Variants in CMTM8 observed in about 807,000 individuals in gnomAD.
CMTM8 encodes CKLF-like MARVEL transmembrane domain-containing protein 8.
CMTM8 carries 12 observed loss-of-function variants against 18.6 expected under a neutral mutation model. That is an observed-to-expected ratio of 0.65 (90% CI 0.41 to 1.05). The LOEUF is 1.05. Among genes scored for constraint, CMTM8 ranks in the 50% least tolerant of loss-of-function variants. CMTM8 has a pLI of 0.00. For synonymous variants in CMTM8, 87 were observed against 90.6 expected (o/e 0.96, Z 0.23); for missense variants, 217 against 227.2 (o/e 0.95, Z 0.29).
intron 1 of CMTM8, among the ~76,000 whole-genome samples, chr3:32,326,548 G>T (rs377635680): frequency 7.7e-6 from 1 of 130,690 alleles, no homozygotes; most frequent in Non-Finnish European, 1.5e-5. Flanking sequence ...ACAGAGTCTC[G>T]CTCTGTCGCC....
chr3:32,273,957 T>C (rs1418708735), intron 1 of CMTM8, among the ~76,000 whole-genome samples: 1 of 152,172 alleles, frequency 6.6e-6, no homozygotes, highest in African/African-American at 2.4e-5. Flanking sequence ...GGATTCTTGT[T>C]TTATTTAATT....
intron 1 of CMTM8, among the ~76,000 whole-genome samples, chr3:32,243,041 C>T (rs1701963301): frequency 6.6e-6 from 1 of 151,610 alleles, no homozygotes; most frequent in Non-Finnish European, 1.5e-5. Flanking sequence ...TATAGGCGTG[C>T]ACCACCAAGC....
intron 1 of CMTM8, among the ~76,000 whole-genome samples, chr3:32,287,388 G>T (rs1477860236): frequency 2.6e-5 from 4 of 152,004 alleles, no homozygotes; most frequent in African/African-American, 9.7e-5. Context: ...CAGATATTTT[G>T]CTCCTAAACA....
chr3:32,263,999 G>A (rs139764826), intron 1 of CMTM8, among the ~76,000 whole-genome samples: 7,092 of 152,296 alleles, frequency 0.047, 656 homozygotes, highest in East Asian at 0.43. Flanking sequence ...GTGACAAGGA[G>A]AATGCAACCA....
At chr3:32,241,174 T>A (rs895513974) in intron 1 of CMTM8, among the ~76,000 whole-genome samples, 1 of 152,152 alleles carries the variant, frequency 6.6e-6, no homozygotes, top group African/African-American at 2.4e-5. Context: ...CTAAACAACG[T>A]GTTTATAATG....
chr3:32,312,928 G>T (rs1208246885), intron 1 of CMTM8, among the ~76,000 whole-genome samples: 1 of 151,916 alleles, frequency 6.6e-6, no homozygotes, highest in Admixed American at 6.6e-5. Flanking sequence ...AAGGACAAAA[G>T]ACCAAATCTT....
chr3:32,258,319 A>T (rs534961818), intron 1 of CMTM8, among the ~76,000 whole-genome samples: 5 of 152,174 alleles, frequency 3.3e-5, no homozygotes, highest in African/African-American at 1.2e-4. Flanking sequence ...TATTTTTTTA[A>T]TTTGGGAGTG....
chr3:32,249,543 T>C (rs551554882), intron 1 of CMTM8, among the ~76,000 whole-genome samples: 1 of 152,250 alleles, frequency 6.6e-6, no homozygotes, highest in Admixed American at 6.5e-5. Flanking sequence ...CACATCCTCA[T>C]CAAGACTTAT....
At chr3:32,285,213 A>G (rs1018770577) in intron 1 of CMTM8, among the ~76,000 whole-genome samples, 1 of 152,300 alleles carries the variant, frequency 6.6e-6, no homozygotes, top group Middle Eastern at 3.4e-3. Flanking sequence ...ATATACCACA[A>G]AAAATAATAG....
intron 1 of CMTM8, chr3:32,259,315 G>C: frequency 1.4e-6 from 1 of 714,246 alleles, no homozygotes; most frequent in Non-Finnish European, 2.6e-6. Flanking sequence ...GTCAGAGACT[G>C]GGCCATTACT....
intron 1 of CMTM8, among the ~76,000 whole-genome samples, chr3:32,258,587 A>G (rs1702205969): frequency 1.3e-5 from 2 of 151,992 alleles, no homozygotes; most frequent in Non-Finnish European, 2.9e-5. Flanking sequence ...ACAGTTCACT[A>G]AAGCCTCGAC....
At chr3:32,338,966 G>A (rs775871591) in intron 1 of CMTM8, among the ~76,000 whole-genome samples, 8 of 152,192 alleles carry the variant, frequency 5.3e-5, no homozygotes, top group African/African-American at 1.2e-4. Flanking sequence ...TGGCAAGTTG[G>A]TGCTGGCTAT....
At chr3:32,323,756 A>G (rs2125579104) in intron 1 of CMTM8, among the ~76,000 whole-genome samples, 1 of 152,346 alleles carries the variant, frequency 6.6e-6, no homozygotes, top group African/African-American at 2.4e-5. Context: ...GTCAGAAAAG[A>G]AGGTACAGAT....
At chr3:32,313,185 T>C (rs1695852731) in intron 1 of CMTM8, among the ~76,000 whole-genome samples, 1 of 152,108 alleles carries the variant, frequency 6.6e-6, no homozygotes, top group Non-Finnish European at 1.5e-5. Flanking sequence ...AAACCCCACC[T>C]TAAGCCTAAA....
intron 1 of CMTM8, among the ~76,000 whole-genome samples, chr3:32,296,256 AGCTACC>A (rs1190618859): frequency 2.7e-4 from 41 of 152,102 alleles, no homozygotes; most frequent in African/African-American, 9.4e-4. Flanking sequence ...TACAGGCATG[AGCTACC>A]ACACCTGACC....
chr3:32,302,744 GCT>G (rs1695644420), intron 1 of CMTM8, among the ~76,000 whole-genome samples: 1 of 152,152 alleles, frequency 6.6e-6, no homozygotes, highest in African/African-American at 2.4e-5. Flanking sequence ...AAAGAAGAAA[GCT>G]AAGGTCCCTC....
chr3:32,254,958 G>A (rs1268340199), intron 1 of CMTM8, among the ~76,000 whole-genome samples: 1 of 152,140 alleles, frequency 6.6e-6, no homozygotes, highest in Non-Finnish European at 1.5e-5. Flanking sequence ...TCTACTGTCT[G>A]TCTCTATAAA....
intron 1 of CMTM8, among the ~76,000 whole-genome samples, chr3:32,267,101 T>G (rs1702358753): frequency 1.3e-5 from 2 of 152,134 alleles, no homozygotes; most frequent in African/African-American, 4.8e-5. Context: ...AAAAAACTAC[T>G]TTAAAGTTCA....
At chr3:32,368,761 C>T (rs79735185) in intron 3 of CMTM8, among the ~76,000 whole-genome samples, 4,076 of 152,170 alleles carry the variant, frequency 0.027, 178 homozygotes, top group African/African-American at 0.092. Flanking sequence ...TGCGCCTGAC[C>T]TTACTTTTTA....
Sources: allele counts gnomAD v4.1 joint callset (sites outside exome capture counted in the v4.1 genomes callset), GRCh38; gene constraint gnomAD v4.1.1; transcripts MANE v1.5; gene names NCBI Gene and HGNC (gene_info 2026-07-23, HGNC 2026-07-21).